Variants in UNC93A observed in about 807,000 individuals in gnomAD.
UNC93A encodes unc-93 homolog A, also known as N-acetylglucosamine transporter UNC93A.
In UNC93A, 43 loss-of-function variants were observed where a neutral mutation model predicts 47.5. That is an observed-to-expected ratio of 0.91 (90% CI 0.71 to 1.17). UNC93A has a LOEUF of 1.17. Among genes scored for constraint, UNC93A ranks in the 50% most tolerant of loss-of-function variants. The pLI is 0.00. For synonymous variants in UNC93A, 280 were observed against 258.0 expected (o/e 1.09, Z -0.82); for missense variants, 605 against 577.6 (o/e 1.05, Z -0.49).
chr6:167,300,172 G>A (rs563306337), intron 4 of UNC93A, among the ~76,000 whole-genome samples: 19 of 152,304 alleles, frequency 1.2e-4, no homozygotes, highest in South Asian at 4.1e-4. Context: ...GTCTGACGCC[G>A]TGCAGGGCTC....
intron 1 of UNC93A, among the ~76,000 whole-genome samples, chr6:167,273,880 T>C (rs1214605944): frequency 6.6e-6 from 1 of 151,790 alleles, no homozygotes; most frequent in African/African-American, 2.4e-5. Context: ...GAGACCAAGG[T>C]CCTTACTATG....
At chr6:167,279,188 G>C (rs553065768) in intron 1 of UNC93A, among the ~76,000 whole-genome samples, 1 of 152,124 alleles carries the variant, frequency 6.6e-6, no homozygotes, top group Non-Finnish European at 1.5e-5. Flanking sequence ...TAGGCTGTTC[G>C]TTGTCTTTGA....
At chr6:167,273,114 C>T (rs1783477216) in intron 1 of UNC93A, among the ~76,000 whole-genome samples, 1 of 152,206 alleles carries the variant, frequency 6.6e-6, no homozygotes, top group African/African-American at 2.4e-5. Flanking sequence ...TTACTGCCGC[C>T]TTCTAACCCA....
chr6:167,302,193 G>C (rs1778260779), intron 4 of UNC93A, among the ~76,000 whole-genome samples: 1 of 152,174 alleles, frequency 6.6e-6, no homozygotes, highest in African/African-American at 2.4e-5. Flanking sequence ...GCTTGGAAGA[G>C]AGCTGGCTTT....
upstream of UNC93A, among the ~76,000 whole-genome samples, chr6:167,289,266 C>G (rs73790196): frequency 0.032 from 4,804 of 152,156 alleles, 182 homozygotes; most frequent in African/African-American, 0.11. Context: ...TTGTTTATGA[C>G]GAGACCACTG....
intron 2 of UNC93A, among the ~76,000 whole-genome samples, chr6:167,295,067 C>A (rs1778016610): frequency 6.6e-6 from 1 of 152,176 alleles, no homozygotes; most frequent in Non-Finnish European, 1.5e-5. Context: ...GCAGATGTCA[C>A]CAATGGACCG....
rs1778379623 is a variant in UNC93A at position 167,306,031 on chromosome 6, G to T, written c.957G>T (p.Arg319Ser). The T allele has an allele frequency of 6.2e-7, 1 of 1,614,192 alleles. No individual in the cohort carries two copies. Among genetic ancestry groups the T allele is most frequent in the South Asian group, 1.1e-5 (1 of 91,086 alleles). ...GAAAGGTCTCGCAGTACACGGGCAG[G>T]GCTGTGCTGTACGTGCTGGGTAGGT... Reference protein sequence around the residue: ...LYGKVSQYTGRAVLYVLGAVT... With the variant: ...LYGKVSQYTGSAVLYVLGAVT... The change falls in exon 6 of 8, where the codon AGG becomes AGT. Residue 319 changes from arginine to serine, a missense_variant. Arg to Ser is a moderately radical substitution (Grantham distance 110). Transcript: ENST00000230256.
chr6:167,307,227 C>T (rs953116796), intron 6 of UNC93A, among the ~76,000 whole-genome samples: 6 of 152,222 alleles, frequency 3.9e-5, no homozygotes, highest in African/African-American at 9.7e-5. Flanking sequence ...CCAGACCACA[C>T]CCAAGGCCCT....
At chr6:167,290,237 T>C (rs115474983), upstream of UNC93A, among the ~76,000 whole-genome samples, 362 of 152,336 alleles carry the variant, frequency 2.4e-3, 3 homozygotes, top group African/African-American at 7.8e-3. Context: ...TATGTAAGCA[T>C]GATAGTCCAT....
chr6:167,314,044 C>T (rs2294238), intron 7 of UNC93A, among the ~76,000 whole-genome samples: 37,891 of 152,138 alleles, frequency 0.25, 4,853 homozygotes, highest in South Asian at 0.32. Context: ...TAGCAGGGCA[C>T]TCCCCTGCTG....
chr6:167,269,720 C>T (rs1262768195), upstream of UNC93A, among the ~76,000 whole-genome samples: 2 of 152,078 alleles, frequency 1.3e-5, no homozygotes, highest in Non-Finnish European at 2.9e-5. Flanking sequence ...CATTCTCCTG[C>T]CTCAGCCTTC....
At chr6:167,281,197 A>G (rs979135053) in intron 1 of UNC93A, among the ~76,000 whole-genome samples, 1 of 151,516 alleles carries the variant, frequency 6.6e-6, no homozygotes, top group Non-Finnish European at 1.5e-5. Flanking sequence ...CTAGAAGATC[A>G]TCCCACTGAA....
rs571743960 is a variant in UNC93A at position 167,296,510 on chromosome 6, A to T, written c.499+249A>T. Among the ~76,000 whole-genome samples, 4 of 152,324 alleles carry T rather than the reference A, an allele frequency of 2.6e-5. No individual in the cohort carries two copies. The South Asian group carries it at 8.3e-4, about 32-fold the overall frequency. On this transcript the variant is annotated intron_variant, in intron 3 of 7. Coordinates refer to ENST00000230256, the MANE Select transcript of UNC93A (RefSeq NM_018974.4). ...ACAGGTGCCTCCGCAGGGGCAGGGG[A>T]GCCCTTGGGAGAGGGCGCCATGGGA...
At chr6:167,273,598 C>A (rs1783487972) in intron 1 of UNC93A, among the ~76,000 whole-genome samples, 1 of 152,180 alleles carries the variant, frequency 6.6e-6, no homozygotes. Context: ...GTGACCATGG[C>A]CCGTGACACA....
At chr6:167,300,312 C>T (rs1423135304) in intron 4 of UNC93A, among the ~76,000 whole-genome samples, 1 of 152,098 alleles carries the variant, frequency 6.6e-6, no homozygotes, top group Non-Finnish European at 1.5e-5. Flanking sequence ...TATAGCTGGA[C>T]CCCTGGTTCA....
At chr6:167,275,858 T>C (rs376049097) in intron 1 of UNC93A, among the ~76,000 whole-genome samples, 6 of 152,156 alleles carry the variant, frequency 3.9e-5, no homozygotes, top group African/African-American at 1.4e-4. Flanking sequence ...TTGGTGAAAG[T>C]GCAATGAGAA....
At chr6:167,282,683 A>G (rs1157644010) in intron 1 of UNC93A, among the ~76,000 whole-genome samples, 1 of 152,214 alleles carries the variant, frequency 6.6e-6, no homozygotes, top group East Asian at 1.9e-4. Context: ...AAAGTATTAG[A>G]AAAGATTTAT....
chr6:167,308,855 G>A (rs912143528), intron 7 of UNC93A, among the ~76,000 whole-genome samples: 3 of 152,168 alleles, frequency 2.0e-5, no homozygotes, highest in African/African-American at 7.2e-5. Context: ...CCTGTGGGGA[G>A]CCGGGAGGGC....
intron 5 of UNC93A, 138 bp downstream of exon 5, chr6:167,304,271 C>A: frequency 1.2e-6 from 1 of 846,994 alleles, no homozygotes; most frequent in East Asian, 2.4e-5. Flanking sequence ...GTCCTATGCT[C>A]CCAGTGCTAC....
Sources: allele counts gnomAD v4.1 joint callset (sites outside exome capture counted in the v4.1 genomes callset), GRCh38; gene constraint gnomAD v4.1.1; transcripts MANE v1.5; gene names NCBI Gene and HGNC (gene_info 2026-07-23, HGNC 2026-07-21).